The following SCFD2 variants were observed in gnomAD, a reference collection of about 807,000 sequenced individuals.
SCFD2 encodes sec1 family domain containing 2.
A neutral mutation model predicts 58.9 loss-of-function variants in SCFD2; 54 were observed. The observed-to-expected ratio is 0.92, with a 90% CI of 0.74 to 1.15. SCFD2 has a LOEUF of 1.15. SCFD2 is among the 50% of genes most tolerant of loss of function. SCFD2 has a pLI of 0.00. For missense variants in SCFD2, 805 were observed against 836.6 expected, an observed-to-expected ratio of 0.96 and a Z score of 0.47; for synonymous variants, 321 against 335.9, an observed-to-expected ratio of 0.96 and a Z score of 0.49.
intron 4 of SCFD2, among the ~76,000 whole-genome samples, chr4:53,217,653 A>G (rs1456522654): frequency 1.3e-5 from 2 of 152,154 alleles, no homozygotes; most frequent in Non-Finnish European, 2.9e-5. Flanking sequence ...TTTAAGGTTA[A>G]TATCGTTATG....
intron 5 of SCFD2, among the ~76,000 whole-genome samples, chr4:53,122,372 G>A (rs1470949202): frequency 6.6e-6 from 1 of 150,596 alleles, no homozygotes; most frequent in Non-Finnish European, 1.5e-5. Flanking sequence ...GCGAGACTCC[G>A]TCTAAAAAAA....
At chr4:53,229,567 T>C (rs1288339157) in intron 4 of SCFD2, among the ~76,000 whole-genome samples, 1 of 152,198 alleles carries the variant, frequency 6.6e-6, no homozygotes, top group African/African-American at 2.4e-5. Flanking sequence ...TGGCTGGCCA[T>C]ATCTAGAGAA....
intron 4 of SCFD2, among the ~76,000 whole-genome samples, chr4:53,166,273 T>C (rs569309088): frequency 6.6e-6 from 1 of 152,382 alleles, no homozygotes; most frequent in South Asian, 2.1e-4. Flanking sequence ...TAGAGATGTA[T>C]CTGTATATCT....
chr4:53,311,952 GTTC>G (rs1351696300), intron 3 of SCFD2, among the ~76,000 whole-genome samples: 4 of 151,942 alleles, frequency 2.6e-5, no homozygotes, highest in African/African-American at 9.7e-5. Flanking sequence ...ATATTAATTA[GTTC>G]TTGTTTCAAC....
intron 5 of SCFD2, among the ~76,000 whole-genome samples, chr4:53,035,802 C>T (rs577440796): frequency 1.2e-4 from 19 of 152,184 alleles, no homozygotes; most frequent in East Asian, 1.2e-3. Flanking sequence ...GCTAGAATGG[C>T]GATCATTAAA....
intron 3 of SCFD2, among the ~76,000 whole-genome samples, chr4:53,290,220 G>A (rs1301428184): frequency 5.3e-5 from 8 of 152,034 alleles, no homozygotes; most frequent in Non-Finnish European, 1.0e-4. Flanking sequence ...TATATGTGAG[G>A]CCACAGTATA....
At chr4:53,083,790 A>C (rs2148860587) in intron 5 of SCFD2, among the ~76,000 whole-genome samples, 1 of 152,296 alleles carries the variant, frequency 6.6e-6, no homozygotes, top group African/African-American at 2.4e-5. Flanking sequence ...AGTTTTTATT[A>C]AGGGTTTCAA....
chr4:52,900,457 A>G (rs1719159742), intron 7 of SCFD2, among the ~76,000 whole-genome samples: 1 of 152,110 alleles, frequency 6.6e-6, no homozygotes. Flanking sequence ...AGAACAGTGG[A>G]TATTGGTGAA....
rs1161676694 is a variant in SCFD2 at position 53,365,548 on chromosome 4, C to T, written c.394G>A (p.Val132Met). 3.1e-6 allele frequency: 5 copies of T among 1,614,050 alleles called. No individual in the cohort carries two copies. Among genetic ancestry groups the T allele is most frequent in the Non-Finnish European group, 4.2e-6 (5 of 1,180,028 alleles). The change falls in exon 1 of 9, where the codon GTG (valine) becomes ATG (methionine). Residue 132 changes from valine to methionine, a missense_variant. Transcript: ENST00000401642. This position sits in a 1 kb window ranked among gnomAD's most constrained non-coding sequence, Gnocchi z 4.3. Reference protein sequence around the residue: ...AAAEMEGQQPVFEQLEEKLCE... With the variant: ...AAAEMEGQQPMFEQLEEKLCE... ...AGCTTCTCCTCCAGCTGCTCGAACA[C>T]CGGCTGCTGCCCCTCCATCTCGGCC...
rs13139562 is a variant in SCFD2 at position 53,138,856 on chromosome 4, C to T, written c.1561+6477G>A. On this transcript the variant is annotated intron_variant, in intron 5 of 8. Transcript: ENST00000401642. ...TTAACAGATGAAAGAAAATCCCTCT[C>T]CCCCTCCCCCTCCCCCTCCCTCTCG... is the stretch of plus-strand genomic sequence containing the variant. Among the ~76,000 whole-genome samples, 794 of 137,844 alleles carry T rather than the reference C, an allele frequency of 5.8e-3. 5 individuals carry two copies. Among genetic ancestry groups the T allele is most frequent in the Non-Finnish European group, 9.7e-3 (623 of 63,970 alleles). The allele number at this position is 137,844 out of a possible 152,430, so 90.4% of individuals were successfully genotyped here.
intron 4 of SCFD2, among the ~76,000 whole-genome samples, chr4:53,261,238 T>G (rs913651239): frequency 6.6e-6 from 1 of 152,204 alleles, no homozygotes; most frequent in East Asian, 1.9e-4. Context: ...CATTTAGTTC[T>G]GCTCTGATCT....
chr4:53,266,527 G>C (rs1402538353), intron 4 of SCFD2, among the ~76,000 whole-genome samples: 2 of 152,112 alleles, frequency 1.3e-5, no homozygotes, highest in African/African-American at 4.8e-5. Context: ...CTTTAGATGA[G>C]GAAACTAAGC....
At chr4:53,229,764 G>A (rs1729365915) in intron 4 of SCFD2, among the ~76,000 whole-genome samples, 4 of 152,178 alleles carry the variant, frequency 2.6e-5, no homozygotes, top group Admixed American at 2.6e-4. Context: ...AGCCAGAATT[G>A]ACAAATGGGA....
chr4:52,880,616 CAAA>C (rs33961681), intron 8 of SCFD2, among the ~76,000 whole-genome samples: 39 of 119,112 alleles, frequency 3.3e-4, no homozygotes, highest in Non-Finnish European at 3.9e-4. Context: ...GACCCTGTCT[CAAA>C]AAAAAAAAAA....
At chr4:53,153,129 C>T (rs1227366892) in intron 4 of SCFD2, among the ~76,000 whole-genome samples, 1 of 152,190 alleles carries the variant, frequency 6.6e-6, no homozygotes, top group African/African-American at 2.4e-5. Flanking sequence ...CTCCTTCCCA[C>T]AAAGCTCATC....
At chr4:53,177,001 G>C (rs1283858749) in intron 4 of SCFD2, among the ~76,000 whole-genome samples, 1 of 151,216 alleles carries the variant, frequency 6.6e-6, no homozygotes, top group Admixed American at 6.6e-5. Context: ...GTTTTAAACA[G>C]GTAGACATCA....
intron 5 of SCFD2, among the ~76,000 whole-genome samples, chr4:53,054,627 T>C (rs1037146727): frequency 2.0e-5 from 3 of 148,520 alleles, no homozygotes; most frequent in African/African-American, 5.0e-5. Context: ...ATGATTAGCT[T>C]AGAAAAAAAA....
chr4:53,051,195 A>G (rs1292411516), intron 5 of SCFD2, among the ~76,000 whole-genome samples: 1 of 152,210 alleles, frequency 6.6e-6, no homozygotes, highest in Non-Finnish European at 1.5e-5. Context: ...TATAATTTAC[A>G]AAAAGCAACA....
At position 53,134,086 on chromosome 4, in the gene SCFD2, A is replaced by G. The variant is rs1429899794; in HGVS notation, c.1561+11247T>C. Among the ~76,000 whole-genome samples the G allele has an allele frequency of 2.0e-5, 3 of 152,364 alleles. No homozygotes were observed. In the East Asian group the frequency reaches 5.8e-4, roughly 29 times the overall value. On this transcript the variant is annotated intron_variant, in intron 5 of 8. Transcript: ENST00000401642. ...AGTAAGTGAAATATGCCAGTTACAG[A>G]CGGGCACATACTGTGTGATTCCATT...
Sources: allele counts gnomAD v4.1 joint callset (sites outside exome capture counted in the v4.1 genomes callset), GRCh38; gene constraint gnomAD v4.1.1; non-coding constraint Gnocchi (gnomAD v3.1); transcripts MANE v1.5; gene names NCBI Gene and HGNC (gene_info 2026-07-23, HGNC 2026-07-21).